KRT7: variants seen among roughly 807,000 people sequenced by gnomAD.
KRT7 encodes the protein keratin 7.
A neutral mutation model predicts 42.8 loss-of-function variants in KRT7; 50 were observed. That is an observed-to-expected ratio of 1.17 (90% confidence interval 0.93 to 1.48). KRT7 has a LOEUF of 1.48. Among genes scored for constraint, KRT7 ranks in the 40% most tolerant of loss-of-function variants. The pLI, the probability that KRT7 is intolerant of heterozygous loss-of-function variation, is 0.00. For synonymous variants in KRT7, 268 were observed against 266.3 expected, an observed-to-expected ratio of 1.01 and a Z score of -0.06; for missense variants, 588 against 637.6, an observed-to-expected ratio of 0.92 and a Z score of 0.84.
intron 4 of KRT7, among the ~76,000 whole-genome samples, chr12:52,240,325 C>T (rs1028540329): frequency 1.5e-4 from 23 of 152,200 alleles, no homozygotes; most frequent in African/African-American, 4.8e-4. Flanking sequence ...TTAAGTAAAT[C>T]GTAAATTGAA....
chr12:52,249,094 C>G (rs1942224550), downstream of KRT7, among the ~76,000 whole-genome samples: 1 of 152,174 alleles, frequency 6.6e-6, no homozygotes, highest in African/African-American at 2.4e-5. Context: ...GCCTTGGCCT[C>G]CAGGTCTGGG....
At chr12:52,241,421 G>C in intron 4 of KRT7, 51 bp from the exon 5 acceptor site, 1 of 1,435,324 alleles carries the variant, frequency 7.0e-7, no homozygotes, top group Non-Finnish European at 9.5e-7. Context: ...CAGGGTGGGC[G>C]TGGGCATAGG....
At position 52,248,898 on chromosome 12, in the gene KRT7, T is replaced by A; in HGVS notation, c.*138T>A. 1 of 824,862 alleles carries A rather than the reference T, an allele frequency of 1.2e-6. No homozygotes were observed. Among genetic ancestry groups the A allele is most frequent in the Non-Finnish European group, 1.7e-6 (1 of 582,016 alleles). The allele number at this position is 824,862 out of a possible 1,614,324, so 51.1% of individuals were successfully genotyped here. On this transcript the variant is annotated 3_prime_UTR_variant, in exon 9 of 9. Coordinates refer to ENST00000331817, the MANE Select transcript of KRT7 (RefSeq NM_005556.4). ...CAGAATAGCTTCCAATAAAGCAGCC[T>A]CATTCTGAGGCCTGAGTGATCCACG...
At chr12:52,244,976 C>G in intron 6 of KRT7, 1 of 195,196 alleles carries the variant, frequency 5.1e-6, no homozygotes, top group Admixed American at 6.2e-5. Context: ...ATCCCATGGT[C>G]TTCGAGCTCC....
intron 2 of KRT7, among the ~76,000 whole-genome samples, chr12:52,236,933 A>C (rs550052306): frequency 6.6e-6 from 1 of 152,252 alleles, no homozygotes; most frequent in East Asian, 1.9e-4. Context: ...TGTATCCCTC[A>C]TCCTGATTCT....
downstream of KRT7, chr12:52,252,358 A>G (rs538410662): frequency 1.2e-6 from 2 of 1,614,094 alleles, no homozygotes; most frequent in African/African-American, 2.7e-5. Context: ...CTGATCAGGC[A>G]GGCCATGTCC....
intron 5 of KRT7, chr12:52,241,853 A>C: frequency 2.3e-6 from 1 of 442,198 alleles, no homozygotes; most frequent in African/African-American, 2.0e-5. Flanking sequence ...TAGCTAAAAT[A>C]TGGCAAGTAC....
rs754116982 is a variant in KRT7, at chr12:52,233,553, G to C, written c.257G>C (p.Arg86Pro). Residue 86 changes from arginine (R) to proline (P), a missense_variant, in exon 1 of 9, where the codon CGG becomes CCG. Transcript: ENST00000331817. ...CTGGACGCCGACCCCTCCCTCCAGCGGGTGCGCCAGGAGGAGAGCGAGCAG... is the reference window on the plus strand; with the variant it reads ...CTGGACGCCGACCCCTCCCTCCAGCCGGTGCGCCAGGAGGAGAGCGAGCAG... ...LRLDADPSLQ[R>P]VRQEESEQIK... The C allele has an allele frequency of 1.2e-6, 2 of 1,613,132 alleles. No homozygotes were observed. The highest frequency in any genetic ancestry group is 2.7e-5 in the African/African-American group (2 of 75,028).
chr12:52,245,478 C>A lies in KRT7; in HGVS notation c.1051C>A (p.Arg351Ser), dbSNP rs146115975. The A allele has an allele frequency of 1.9e-6, 3 of 1,613,898 alleles. No individual in the cohort carries two copies. The East Asian group carries it at 6.7e-5, about 36-fold the overall frequency. The change falls in exon 7 of 9, where the codon CGT (arginine) becomes AGT (serine). Residue 351 changes from arginine (R) to serine (S), a missense_variant. Transcript: ENST00000331817. ...ERGELALKDA[R>S]AKQEELEAAL... ...TGGGGAGCTGGCGCTCAAGGATGCT[C>A]GTGCCAAGCAGGAGGAGCTGGAAGC...
chr12:52,244,682 T>C (rs951985424), intron 6 of KRT7: 1 of 974,914 alleles, frequency 1.0e-6, no homozygotes, highest in African/African-American at 1.8e-5. Flanking sequence ...AGATGAGGCC[T>C]GGGACTATTC....
chr12:52,248,860 T>G lies in KRT7; in HGVS notation c.*100T>G. The G allele has an allele frequency of 8.5e-7, 1 of 1,177,750 alleles. No individual in the cohort carries two copies. Among genetic ancestry groups the G allele is most frequent in the East Asian group, 2.8e-5 (1 of 35,516 alleles). The allele number at this position is 1,177,750 out of a possible 1,614,324, so 73.0% of individuals were successfully genotyped here. A position where few individuals can be genotyped will look rare whatever the true frequency, so the allele number is the denominator to read the frequency against. The stretch of plus-strand genomic sequence containing the variant: ...CTGGTCCCAAGACAGTGAGACAGTC[T>G]GGAAAGTGATGTCAGAATAGCTTCC... On this transcript the variant is annotated 3_prime_UTR_variant, in exon 9 of 9. Transcript: ENST00000331817.
At chr12:52,238,380 C>T (rs865968813) in intron 3 of KRT7, among the ~76,000 whole-genome samples, 63 of 152,234 alleles carry the variant, frequency 4.1e-4, no homozygotes, top group Middle Eastern at 6.8e-3. Context: ...CCAGGTCACA[C>T]GGTTAGTAGG....
chr12:52,254,610 C>A (rs1942315175), downstream of KRT7, among the ~76,000 whole-genome samples: 1 of 152,176 alleles, frequency 6.6e-6, no homozygotes, highest in African/African-American at 2.4e-5. Context: ...CTGGCACCCA[C>A]TGGGATGATT....
downstream of KRT7, chr12:52,252,171 T>C (rs192512498): frequency 1.2e-3 from 1,724 of 1,477,364 alleles, 32 homozygotes; most frequent in South Asian, 0.015. Flanking sequence ...TCCAAGTAAA[T>C]AATATGCAGA....
downstream of KRT7, chr12:52,250,661 GGGCCCAGTCTCCTGGCGGCCAGA>G (rs2121123842): frequency 1.5e-6 from 1 of 672,238 alleles, no homozygotes; most frequent in South Asian, 1.5e-5. Flanking sequence ...GGGGAGGACA[GGGCCCAGTCTCCTGGCGGCCAGA>G]GGCCCCTTCT....
rs886856182 is a variant in KRT7 at position 52,248,193 on chromosome 12, G to A, written c.1222G>A (p.Val408Met). The A allele has an allele frequency of 6.2e-7, 1 of 1,614,018 alleles. No individual in the cohort carries two copies. Among genetic ancestry groups the A allele is most frequent in the Non-Finnish European group, 8.5e-7 (1 of 1,180,024 alleles). The change falls in exon 8 of 9, where the codon GTG becomes ATG. Residue 408 changes from valine to methionine, a missense_variant. Transcript: ENST00000331817. ...TGCCCCCAGGTTGGCTGGAGATGGA[G>A]TGGGAGCCGTGAATATCTGTAAGTC... Reference protein sequence around the residue: ...GEESRLAGDGVGAVNISVMNS... With the variant: ...GEESRLAGDGMGAVNISVMNS...
chr12:52,253,187 CTG>C, downstream of KRT7: 1 of 1,585,456 alleles, frequency 6.3e-7, no homozygotes, highest in African/African-American at 1.3e-5. Flanking sequence ...TCTTCCTACA[CTG>C]AGGGGTGGGC....
Position 52,233,590 on chromosome 12 carries a change from C to G in KRT7, c.294C>G (p.Leu98=). 6.2e-7 allele frequency: 1 copy of G among 1,613,044 alleles called. No homozygotes were observed. Among genetic ancestry groups the G allele is most frequent in the Non-Finnish European group, 8.5e-7 (1 of 1,179,774 alleles). Residue 98 remains leucine, a synonymous_variant, in exon 1 of 9, where the codon CTC becomes CTG. Coordinates refer to ENST00000331817, the MANE Select transcript of KRT7 (RefSeq NM_005556.4). ...RQEESEQIKT[L]NNKFASFIDK... is the part of the protein sequence containing the mutation. ...AGGAGAGCGAGCAGATCAAGACCCT[C>G]AACAACAAGTTTGCCTCCTTCATCG... is the stretch of plus-strand genomic sequence containing the variant.
chr12:52,250,605 TCCCCGCATAAGA>T, downstream of KRT7: 1 of 1,169,600 alleles, frequency 8.5e-7, no homozygotes, highest in Non-Finnish European at 1.2e-6. Context: ...CACGCACAGG[TCCCCGCATAAGA>T]CCCCGCCGCG....
Sources: allele counts gnomAD v4.1 joint callset (sites outside exome capture counted in the v4.1 genomes callset), GRCh38; gene constraint gnomAD v4.1.1; transcripts MANE v1.5; gene names NCBI Gene and HGNC (gene_info 2026-07-23, HGNC 2026-07-21).